MINDY4: variants seen among roughly 807,000 people sequenced by gnomAD.
The protein encoded by MINDY4 is MINDY lysine 48 deubiquitinase 4.
MINDY4 carries 68 observed loss-of-function variants against 87.0 expected under a neutral mutation model. The ratio of observed to expected loss-of-function variants is 0.78; its 90% CI spans 0.64 to 0.96. MINDY4 has a LOEUF of 0.96. MINDY4 is among the 40% of genes least tolerant of loss of function. The pLI is 0.00. For synonymous variants in MINDY4, 379 were observed against 363.2 expected (o/e 1.04, Z -0.50); for missense variants, 919 against 928.2 (o/e 0.99, Z 0.13).
At chr7:30,806,667 C>T (rs1263864421) in intron 5 of MINDY4, among the ~76,000 whole-genome samples, 7 of 152,268 alleles carry the variant, frequency 4.6e-5, no homozygotes, top group Non-Finnish European at 1.0e-4. Flanking sequence ...TGGGGTCAGG[C>T]ATATAGCAGG....
At chr7:30,798,130 A>G (rs1455139794) in intron 5 of MINDY4, among the ~76,000 whole-genome samples, 1 of 152,174 alleles carries the variant, frequency 6.6e-6, no homozygotes, top group Non-Finnish European at 1.5e-5. Context: ...TGTTGCTCCT[A>G]GTATACACAC....
intron 1 of MINDY4, 94 bp from the exon 2 acceptor site, chr7:30,778,338 C>T (rs769038115): frequency 2.4e-5 from 36 of 1,499,326 alleles, no homozygotes; most frequent in Non-Finnish European, 3.3e-5. Context: ...TGAGAATTAT[C>T]TTGGTGAACA....
intron 13 of MINDY4, among the ~76,000 whole-genome samples, chr7:30,869,827 G>A (rs889501575): frequency 6.6e-6 from 1 of 152,152 alleles, no homozygotes; most frequent in Admixed American, 6.5e-5. Flanking sequence ...CGTGCTGCAG[G>A]AGGGGAGACC....
At chr7:30,792,762 A>T (rs894075895) in intron 5 of MINDY4, among the ~76,000 whole-genome samples, 2 of 152,030 alleles carry the variant, frequency 1.3e-5, no homozygotes, top group Admixed American at 1.3e-4. Context: ...AACTAGTCTC[A>T]CTGGGAATTT....
intron 13 of MINDY4, among the ~76,000 whole-genome samples, chr7:30,864,294 A>G (rs1189779300): frequency 6.6e-6 from 1 of 152,246 alleles, no homozygotes; most frequent in Non-Finnish European, 1.5e-5. Context: ...ATTAAAAGCA[A>G]TGGCAGCAAC....
At position 30,820,706 on chromosome 7, in the gene MINDY4, G is replaced by A. The variant is rs1788302254; in HGVS notation, c.1074-7973G>A. 1.3e-5 allele frequency among the ~76,000 whole-genome samples: 2 copies of A among 152,156 alleles called. 1 individual carries two copies. Among genetic ancestry groups the A allele is most frequent in the South Asian group, 4.1e-4 (2 of 4,832 alleles). On this transcript the variant is annotated intron_variant, in intron 5 of 17. Transcript: ENST00000265299. ...TTTGATGGCAGAATAATATTCCGTTGTATGGATATATAACATTTTATTTAT... is the reference window on the plus strand; with the variant it reads ...TTTGATGGCAGAATAATATTCCGTTATATGGATATATAACATTTTATTTAT...
At chr7:30,841,511 T>C (rs1584301512) in intron 9 of MINDY4, among the ~76,000 whole-genome samples, 2 of 152,150 alleles carry the variant, frequency 1.3e-5, no homozygotes, top group Admixed American at 6.5e-5. Flanking sequence ...AGGGCACTGG[T>C]GGGGCTGGAG....
chr7:30,882,497 G>A, intron 16 of MINDY4, 136 bp downstream of exon 16: 6 of 833,414 alleles, frequency 7.2e-6, no homozygotes, highest in Non-Finnish European at 1.1e-5. Context: ...CAGACTGGGG[G>A]ATCAGAGAGC....
chr7:30,802,657 G>C (rs1330446011), intron 5 of MINDY4, among the ~76,000 whole-genome samples: 2 of 152,132 alleles, frequency 1.3e-5, no homozygotes, highest in African/African-American at 4.8e-5. Flanking sequence ...CTTAAAAGTG[G>C]TAAGTCTTTC....
At chr7:30,816,979 G>T (rs1315403340) in intron 5 of MINDY4, among the ~76,000 whole-genome samples, 1 of 152,188 alleles carries the variant, frequency 6.6e-6, no homozygotes, top group Admixed American at 6.5e-5. Flanking sequence ...TACACATTGT[G>T]ATAGTTAGTG....
chr7:30,853,451 A>T lies in MINDY4; in HGVS notation c.1669A>T (p.Ile557Phe), dbSNP rs749362253. 1.4e-5 allele frequency: 23 copies of T among 1,612,442 alleles called. No homozygotes were observed. Among genetic ancestry groups the T allele is most frequent in the Non-Finnish European group, 1.8e-5 (21 of 1,179,124 alleles). Residue 557 changes from isoleucine (I) to phenylalanine (F), a missense_variant, in exon 12 of 18, where the codon ATT becomes TTT. By Grantham distance (21) the Ile-to-Phe change is conservative. Transcript: ENST00000265299. ...CCTGGTGACTTTTCTTCAACAAAGCATTCATCAGGTATGAAGCATGCCTTA... is the reference window on the plus strand; with the variant it reads ...CCTGGTGACTTTTCTTCAACAAAGCTTTCATCAGGTATGAAGCATGCCTTA... ...EDLVTFLQQSIHQFEVGPYGC... is the reference protein window; with the variant it reads ...EDLVTFLQQSFHQFEVGPYGC...
intron 14 of MINDY4, among the ~76,000 whole-genome samples, chr7:30,874,514 G>T (rs554894034): frequency 6.6e-6 from 1 of 152,218 alleles, no homozygotes; most frequent in African/African-American, 2.4e-5. Flanking sequence ...ACACCAAAAT[G>T]TGGGAGGCAT....
chr7:30,870,674 C>CA, intron 13 of MINDY4, among the ~76,000 whole-genome samples: 1 of 152,240 alleles, frequency 6.6e-6, no homozygotes, highest in East Asian at 1.9e-4. Flanking sequence ...TGGAAGCAGA[C>CA]AGAGACTCAG....
At chr7:30,867,870 TAG>T (rs1584337293) in intron 13 of MINDY4, among the ~76,000 whole-genome samples, 1 of 152,174 alleles carries the variant, frequency 6.6e-6, no homozygotes, top group East Asian at 1.9e-4. Flanking sequence ...GTGTTTTCAA[TAG>T]AGTCATGGAC....
At chr7:30,801,928 C>G (rs908298256) in intron 5 of MINDY4, among the ~76,000 whole-genome samples, 1 of 152,154 alleles carries the variant, frequency 6.6e-6, no homozygotes, top group East Asian at 1.9e-4. Context: ...CTGAGATCTC[C>G]CTTGGACCAC....
chr7:30,822,465 C>G (rs900494437), intron 5 of MINDY4, among the ~76,000 whole-genome samples: 1 of 152,168 alleles, frequency 6.6e-6, no homozygotes, highest in Non-Finnish European at 1.5e-5. Context: ...ACTACTGTAC[C>G]TGGCCCAATA....
At chr7:30,844,423 C>T (rs1789141177) in intron 9 of MINDY4, among the ~76,000 whole-genome samples, 1 of 151,732 alleles carries the variant, frequency 6.6e-6, no homozygotes, top group Non-Finnish European at 1.5e-5. Context: ...AGATGCCCTC[C>T]CCAGCCCTCC....
chr7:30,828,806 G>T, intron 6 of MINDY4, 69 bp downstream of exon 6: 1 of 1,540,924 alleles, frequency 6.5e-7, no homozygotes. Flanking sequence ...CTCTGTCTGG[G>T]AGATGGGTGG....
chr7:30,791,622 C>G (rs369576794), intron 5 of MINDY4, 48 bp downstream of exon 5: 35 of 1,545,134 alleles, frequency 2.3e-5, no homozygotes, highest in Non-Finnish European at 3.0e-5. Flanking sequence ...GAAGCTCCAC[C>G]TCTCACATGT....
Sources: allele counts gnomAD v4.1 joint callset (sites outside exome capture counted in the v4.1 genomes callset), GRCh38; gene constraint gnomAD v4.1.1; transcripts MANE v1.5; gene names NCBI Gene and HGNC (gene_info 2026-07-23, HGNC 2026-07-21).